TMPRSS7: variants seen among roughly 807,000 people sequenced by gnomAD.
TMPRSS7 encodes the protein transmembrane protease serine 7.
TMPRSS7 carries 81 observed loss-of-function variants against 95.6 expected under a neutral mutation model. The ratio of observed to expected loss-of-function variants is 0.85; its 90% CI spans 0.71 to 1.02. The LOEUF is 1.02. Ranked by LOEUF, TMPRSS7 falls within the 50% of genes least tolerant of loss-of-function variation. The pLI, the probability that TMPRSS7 is intolerant of heterozygous loss-of-function variation, is 0.00. For missense variants in TMPRSS7, 945 were observed against 955.2 expected (o/e 0.99, Z 0.14); for synonymous variants, 364 against 337.8 (o/e 1.08, Z -0.85).
chr3:112,037,991 C>A (rs182057971), intron 1 of TMPRSS7, 81 bp from the exon 2 acceptor site: 17 of 654,134 alleles, frequency 2.6e-5, no homozygotes, highest in Non-Finnish European at 4.4e-5. Flanking sequence ...CTTTTAGTAC[C>A]AACATCTCCT....
At chr3:112,036,184 T>C (rs1049645811) in intron 1 of TMPRSS7, among the ~76,000 whole-genome samples, 1 of 152,236 alleles carries the variant, frequency 6.6e-6, no homozygotes, top group Non-Finnish European at 1.5e-5. Context: ...AACTCACTTA[T>C]CTTCTTATTT....
At chr3:112,051,668 C>CTATCTATCTATCTATCT (rs61097993) in intron 9 of TMPRSS7, among the ~76,000 whole-genome samples, 3,598 of 127,840 alleles carry the variant, frequency 0.028, 47 homozygotes, top group African/African-American at 0.035. Flanking sequence ...ATCTATCTAT[C>CTATCTATCTATCTATCT]ATCTATCTAT....
chr3:112,038,130 CACCGTTGCCAGGGAGACGACT>C, exon 2 of TMPRSS7: 1 of 701,942 alleles, frequency 1.4e-6, no homozygotes, highest in Admixed American at 2.0e-5. Flanking sequence ...GTGAGACGAC[CACCGTTGCCAGGGAGACGACT>C]ACCATTGCCA....
In TMPRSS7 at chr3:112,035,863, C is replaced by G. The variant is rs147192432; in HGVS notation, c.48+970C>G. 2.0e-4 allele frequency among the ~76,000 whole-genome samples: 30 copies of G among 152,286 alleles called. No homozygotes were observed. In the East Asian group the frequency reaches 5.8e-3, roughly 29 times the overall value. ...CACTATGCACATCAATACACTTAAA[C>G]CAACAATTTTCTAATCTAATGAGTG... On this transcript the variant is annotated intron_variant, in intron 1 of 17. Transcript: ENST00000452346.
chr3:112,049,062 CG>C (rs1031965861), intron 7 of TMPRSS7, among the ~76,000 whole-genome samples: 1 of 152,184 alleles, frequency 6.6e-6, no homozygotes, highest in African/African-American at 2.4e-5. Context: ...CTGCCGCTTC[CG>C]CCACGTCTCA....
chr3:112,067,612 G>A (rs1283412767), intron 13 of TMPRSS7, among the ~76,000 whole-genome samples: 1 of 152,164 alleles, frequency 6.6e-6, no homozygotes, highest in Non-Finnish European at 1.5e-5. Flanking sequence ...GTGTCTGTTG[G>A]CTGCATAAAT....
chr3:112,079,457 A>G (rs890511817), intron 17 of TMPRSS7, among the ~76,000 whole-genome samples: 2 of 152,238 alleles, frequency 1.3e-5, no homozygotes, highest in African/African-American at 4.8e-5. Flanking sequence ...CACAGGCCAC[A>G]TGCAGCCCAG....
intron 2 of TMPRSS7, among the ~76,000 whole-genome samples, chr3:112,038,922 A>C (rs2073178714): frequency 6.6e-6 from 1 of 152,174 alleles, no homozygotes; most frequent in Non-Finnish European, 1.5e-5. Context: ...AAGGATGCTC[A>C]GGAGATTTTG....
At chr3:112,047,160 T>G (rs558476312) in intron 6 of TMPRSS7, 148 bp downstream of exon 6, 106 of 633,228 alleles carry the variant, frequency 1.7e-4, no homozygotes, top group Non-Finnish European at 2.7e-4. Flanking sequence ...CAAAAGAAAC[T>G]TGACTGGCTC....
At position 112,045,612 on chromosome 3, in the gene TMPRSS7, G is replaced by A. The variant is rs77895470; in HGVS notation, c.498-138G>A. On this transcript the variant is annotated intron_variant, in intron 4 of 17. Coordinates refer to ENST00000452346, the Ensembl canonical transcript of TMPRSS7. The stretch of plus-strand genomic sequence containing the variant: ...TCCTTTGCCAATCTTCATAACAGAC[G>A]TCAATGACTACCTAAAGAAGGGAGC... The A allele has an allele frequency of 3.6e-3, 2,658 of 743,698 alleles. 5 individuals carry two copies. The highest frequency in any genetic ancestry group is 4.9e-3 in the Non-Finnish European group (2,237 of 458,278). 46.1% of individuals were successfully genotyped at this position (743,698 alleles called of 1,614,324 possible). A position where few individuals can be genotyped will look rare whatever the true frequency, so the allele number is the denominator to read the frequency against.
intron 5 of TMPRSS7, 42 bp from the exon 6 acceptor site, chr3:112,046,932 A>C (rs1270017380): frequency 1.4e-5 from 10 of 696,536 alleles, no homozygotes; most frequent in Non-Finnish European, 1.8e-5. Context: ...ACAAAATGAA[A>C]TGATAGGATT....
At chr3:112,044,270 A>G (rs1245985475) in exon 4 of TMPRSS7, 6 of 1,550,634 alleles carry the variant, frequency 3.9e-6, no homozygotes, top group Admixed American at 2.0e-5. Context: ...CCTGGTTTAT[A>G]CAACATCTGC....
chr3:112,052,794 T>A (rs1359473975), intron 9 of TMPRSS7, among the ~76,000 whole-genome samples: 1 of 152,220 alleles, frequency 6.6e-6, no homozygotes, highest in African/African-American at 2.4e-5. Context: ...AAAATAAAGG[T>A]TGACTTCTTA....
intron 17 of TMPRSS7, among the ~76,000 whole-genome samples, chr3:112,079,883 A>G (rs2073756826): frequency 6.6e-6 from 1 of 152,214 alleles, no homozygotes; most frequent in Non-Finnish European, 1.5e-5. Context: ...TCATACAGCT[A>G]GTAAGTGTAA....
chr3:112,064,801 A>G (rs1266782660), intron 12 of TMPRSS7, among the ~76,000 whole-genome samples: 3 of 152,184 alleles, frequency 2.0e-5, no homozygotes, highest in Non-Finnish European at 4.4e-5. Context: ...TTTCATGACT[A>G]TTTGTACCTC....
chr3:112,075,220 G>T, intron 14 of TMPRSS7, 101 bp from the exon 15 acceptor site: 4 of 1,203,442 alleles, frequency 3.3e-6, no homozygotes, highest in Non-Finnish European at 3.3e-6. Flanking sequence ...ATTTCAAATT[G>T]CTACCTAGTG....
intron 10 of TMPRSS7, among the ~76,000 whole-genome samples, chr3:112,059,505 C>T (rs1268396238): frequency 6.6e-6 from 1 of 152,168 alleles, no homozygotes; most frequent in Non-Finnish European, 1.5e-5. Flanking sequence ...TGCAAGGAAA[C>T]TCTACTAAAT....
intron 9 of TMPRSS7, 145 bp from the exon 10 acceptor site, chr3:112,056,880 T>C (rs1394888650): frequency 5.6e-6 from 3 of 533,008 alleles, no homozygotes; most frequent in South Asian, 2.7e-5. Flanking sequence ...CTCCTCCTTA[T>C]CCCGCTTTGT....
chr3:112,061,222 G>A (rs902680829), intron 10 of TMPRSS7, among the ~76,000 whole-genome samples: 1 of 152,166 alleles, frequency 6.6e-6, no homozygotes, highest in Non-Finnish European at 1.5e-5. Context: ...GGATACTGGG[G>A]GGCATTAGGT....
Sources: allele counts gnomAD v4.1 joint callset (sites outside exome capture counted in the v4.1 genomes callset), GRCh38; gene constraint gnomAD v4.1.1; transcripts MANE v1.5; gene names NCBI Gene and HGNC (gene_info 2026-07-23, HGNC 2026-07-21).